Variants in ABCC9 observed in about 807,000 individuals in gnomAD.
The protein encoded by ABCC9 is ATP binding cassette subfamily C member 9, also known as ATP-binding cassette sub-family C member 9.
ABCC9 carries 95 observed loss-of-function variants against 188.3 expected under a neutral mutation model. That is an observed-to-expected ratio of 0.50 (90% CI 0.43 to 0.60). The LOEUF is 0.60. ABCC9 is among the 20% of genes least tolerant of loss of function. The pLI, the probability that ABCC9 is intolerant of heterozygous loss-of-function variation, is 0.00. For synonymous variants in ABCC9, 659 were observed against 652.7 expected (o/e 1.01, Z -0.15); for missense variants, 1,102 against 1,876.3 (o/e 0.59, Z 7.62).
intron 12 of ABCC9, among the ~76,000 whole-genome samples, chr12:21,904,573 A>G (rs1311390694): frequency 2.0e-5 from 3 of 152,166 alleles, no homozygotes; most frequent in Non-Finnish European, 2.9e-5. Flanking sequence ...AACTCAAACA[A>G]ATTTACAAGA....
At chr12:21,872,830 G>A (rs535608407) in intron 17 of ABCC9, 100 bp from the exon 18 acceptor site, 1 of 958,236 alleles carries the variant, frequency 1.0e-6, no homozygotes, top group Admixed American at 1.7e-5. Flanking sequence ...ACAATCAATG[G>A]CCCAGTTTTG....
Position 21,803,695 on chromosome 12 carries a change from A to G in ABCC9, c.4512+2303T>C, listed in dbSNP as rs562914113. Among the ~76,000 whole-genome samples, 8 of 152,214 alleles carry G rather than the reference A, an allele frequency of 5.3e-5. No homozygotes were observed. In the South Asian group the frequency reaches 1.7e-3, roughly 32 times the overall value. On this transcript the variant is annotated intron_variant, in intron 39 of 39. Transcript: ENST00000261200. ...AAAAAACATTGAAAAATCTTGGTCA[A>G]CAGAAATAAATATAGTTGGTTTTTA...
chr12:21,901,181 A>G (rs961500663), intron 12 of ABCC9, among the ~76,000 whole-genome samples: 1 of 152,366 alleles, frequency 6.6e-6, no homozygotes, highest in Non-Finnish European at 1.5e-5. Context: ...TTTTCAACCC[A>G]GAATTTCATA....
chr12:21,894,934 C>T (rs1947328221), intron 13 of ABCC9, among the ~76,000 whole-genome samples: 3 of 152,128 alleles, frequency 2.0e-5, no homozygotes, highest in African/African-American at 2.4e-5. Context: ...AATTCCCAAC[C>T]GCTGTTCATT....
chr12:21,886,695 A>G (rs1440113528), intron 15 of ABCC9, among the ~76,000 whole-genome samples: 2 of 152,074 alleles, frequency 1.3e-5, no homozygotes, highest in South Asian at 2.1e-4. Context: ...AACTCTTTCC[A>G]TGGCTTACGA....
At chr12:21,821,280 T>C (rs1289300238) in intron 31 of ABCC9, among the ~76,000 whole-genome samples, 1 of 152,218 alleles carries the variant, frequency 6.6e-6, no homozygotes, top group African/African-American at 2.4e-5. Context: ...TTAACTCCCA[T>C]GTCCATTTAG....
intron 5 of ABCC9, among the ~76,000 whole-genome samples, chr12:21,918,813 C>T (rs1470066867): frequency 1.3e-5 from 2 of 152,076 alleles, no homozygotes; most frequent in Non-Finnish European, 2.9e-5. Flanking sequence ...ACAGGTCCTA[C>T]TCACACTCAA....
At chr12:21,895,505 T>C (rs1947355783) in intron 12 of ABCC9, among the ~76,000 whole-genome samples, 190 bp from the exon 13 acceptor site, 1 of 152,234 alleles carries the variant, frequency 6.6e-6, no homozygotes, top group Non-Finnish European at 1.5e-5. Flanking sequence ...TGAGTTCCCA[T>C]ACATTAGTCT....
chr12:21,892,107 C>T (rs979258617), intron 14 of ABCC9, among the ~76,000 whole-genome samples: 10 of 152,272 alleles, frequency 6.6e-5, no homozygotes, highest in Non-Finnish European at 1.3e-4. Context: ...TGAAGAAAGA[C>T]TGGTCTTTAT....
chr12:21,927,505 T>C (rs761366418), intron 4 of ABCC9, among the ~76,000 whole-genome samples: 11 of 152,140 alleles, frequency 7.2e-5, no homozygotes, highest in Non-Finnish European at 1.3e-4. Context: ...AAAGACTGAT[T>C]GGTGAAATAG....
intron 31 of ABCC9, among the ~76,000 whole-genome samples, chr12:21,823,597 T>G (rs1445371598): frequency 6.6e-6 from 1 of 152,228 alleles, no homozygotes; most frequent in Non-Finnish European, 1.5e-5. Flanking sequence ...ATTTTTGGCT[T>G]CTTCATGTGA....
At chr12:21,905,513 T>G (rs911534683) in intron 12 of ABCC9, among the ~76,000 whole-genome samples, 1 of 152,076 alleles carries the variant, frequency 6.6e-6, no homozygotes, top group Non-Finnish European at 1.5e-5. Context: ...AAAAACAGAA[T>G]GCTACAAATA....
chr12:21,881,089 T>C (rs900047496), intron 16 of ABCC9, among the ~76,000 whole-genome samples: 21 of 152,090 alleles, frequency 1.4e-4, no homozygotes, highest in African/African-American at 4.3e-4. Flanking sequence ...ACTAAAAATA[T>C]GTTCTTAGGG....
intron 12 of ABCC9, among the ~76,000 whole-genome samples, chr12:21,899,180 G>A (rs1347713288): frequency 6.6e-6 from 1 of 152,092 alleles, no homozygotes; most frequent in Non-Finnish European, 1.5e-5. Flanking sequence ...ACTGTTCTTG[G>A]AGTTATTTCT....
In ABCC9 at chr12:21,815,893, T is replaced by A. The variant is rs750024025; in HGVS notation, c.3893A>T (p.Asp1298Val). The A allele has an allele frequency of 1.2e-6, 2 of 1,612,790 alleles. No individual in the cohort carries two copies. Among genetic ancestry groups the A allele is most frequent in the Non-Finnish European group, 8.5e-7 (1 of 1,179,296 alleles). The change falls in exon 34 of 40, where the codon GAT becomes GTT. Residue 1298 changes from aspartate to valine, a missense_variant and splice_region_variant. Around this residue, in one of 12 missense-constraint regions of ABCC9, gnomAD observed 143 missense variants for 225.6 expected, o/e 0.63. Coordinates refer to ENST00000261200, the MANE Select transcript of ABCC9 (RefSeq NM_020297.4). ...CCAATGTTCTGGAACTTGAGAAGGATCTGGAGGATGGGATGGGGAAATAGA... is the reference window on the plus strand; with the variant it reads ...CCAATGTTCTGGAACTTGAGAAGGAACTGGAGGATGGGATGGGGAAATAGA... ...MESENYEGTMDPSQVPEHWPQ... is the reference protein window; with the variant it reads ...MESENYEGTMVPSQVPEHWPQ...
At chr12:21,826,624 A>C (rs908986996) in intron 31 of ABCC9, among the ~76,000 whole-genome samples, 12 of 152,196 alleles carry the variant, frequency 7.9e-5, no homozygotes, top group African/African-American at 2.9e-4. Context: ...AGCGACAGTG[A>C]ATCTGACTGG....
At chr12:21,908,525 C>T (rs1948151859) in intron 10 of ABCC9, among the ~76,000 whole-genome samples, 1 of 151,940 alleles carries the variant, frequency 6.6e-6, no homozygotes, top group Admixed American at 6.6e-5. Flanking sequence ...ACACTTCCAA[C>T]CTTTTAAGTA....
chr12:21,839,533 T>C (rs570262013), intron 29 of ABCC9, among the ~76,000 whole-genome samples: 96 of 152,342 alleles, frequency 6.3e-4, no homozygotes, highest in South Asian at 1.7e-3. Flanking sequence ...CTGACCATTT[T>C]GATAAAGATA....
chr12:21,850,941 G>A (rs995624340), intron 24 of ABCC9, among the ~76,000 whole-genome samples: 6 of 151,812 alleles, frequency 4.0e-5, no homozygotes, highest in African/African-American at 1.5e-4. Context: ...TATTCTGCTT[G>A]TATATTTTTG....
Sources: gnomAD v4.1 joint callset for allele counts (sites outside exome capture counted in the v4.1 genomes callset) on GRCh38, gnomAD v4.1.1 for gene constraint, gnomAD v4.1.1 regional missense constraint, MANE v1.5 for transcripts, NCBI Gene and HGNC (gene_info 2026-07-23, HGNC 2026-07-21) for gene names.